Variants in RPTOR observed in about 807,000 individuals in gnomAD.
The protein encoded by RPTOR is regulatory-associated protein of mTOR.
RPTOR carries 21 observed loss-of-function variants against 169.9 expected under a neutral mutation model. The observed-to-expected ratio is 0.12, with a 90% CI of 0.09 to 0.18. The LOEUF (loss-of-function observed/expected upper bound fraction) is 0.18, where lower values mean the gene tolerates loss of function less well. RPTOR is among the 10% of genes least tolerant of loss of function. The pLI is 1.00. For synonymous variants in RPTOR, 732 were observed against 753.2 expected (o/e 0.97, Z 0.46); for missense variants, 1,133 against 1,855.9 (o/e 0.61, Z 7.16).
chr17:80,611,252 CAT>C (rs565559142), intron 1 of RPTOR, among the ~76,000 whole-genome samples: 354 of 152,182 alleles, frequency 2.3e-3, no homozygotes, highest in Admixed American at 4.5e-3. Flanking sequence ...GTAAGTAGCA[CAT>C]GTTATTATTA....
chr17:80,906,370 C>G (rs1353535272), intron 20 of RPTOR, among the ~76,000 whole-genome samples: 1 of 152,214 alleles, frequency 6.6e-6, no homozygotes, highest in Non-Finnish European at 1.5e-5. Flanking sequence ...ATCTACACGG[C>G]TATCGCAGAG....
chr17:80,626,603 T>A (rs1160813995), intron 2 of RPTOR, among the ~76,000 whole-genome samples: 1 of 151,842 alleles, frequency 6.6e-6, no homozygotes, highest in Non-Finnish European at 1.5e-5. Context: ...TGTGGTAGGG[T>A]TTTTGCTAAT....
intron 5 of RPTOR, among the ~76,000 whole-genome samples, chr17:80,740,029 C>CT (rs1182833589): frequency 6.6e-6 from 1 of 152,020 alleles, no homozygotes; most frequent in Non-Finnish European, 1.5e-5. Flanking sequence ...GGATACATTC[C>CT]TAGCAATACT....
Position 80,945,048 on chromosome 17 carries a change from C to G in RPTOR, c.3026-619C>G, listed in dbSNP as rs1324872028. Among the ~76,000 whole-genome samples, 4 of 151,282 alleles carry G rather than the reference C, an allele frequency of 2.6e-5. No homozygotes were observed. In the South Asian group the frequency reaches 8.3e-4, roughly 31 times the overall value. ...TGGGCGTATGCCCATAATCCCAACA[C>G]TTGAGGAGGCCGAGGCGGGAGGATC... On this transcript the variant is annotated intron_variant, in intron 25 of 33. Coordinates refer to ENST00000306801, the MANE Select transcript of RPTOR (RefSeq NM_020761.3).
chr17:80,960,538 T>A lies in RPTOR; in HGVS notation c.3605+333T>A, dbSNP rs1179141314. On this transcript the variant is annotated intron_variant, in intron 30 of 33. Transcript: ENST00000306801. The surrounding 1 kb of genome is among the most constrained non-coding windows in gnomAD (Gnocchi z 4.8). Reference sequence around the variant, plus strand: ...GCCGCAGCCAGGCACCTGCCACCTCTGAGCTCACCTGAACAGAATACTGCC... The same window carrying A: ...GCCGCAGCCAGGCACCTGCCACCTCAGAGCTCACCTGAACAGAATACTGCC... Among the ~76,000 whole-genome samples, 2 of 152,220 alleles carry A rather than the reference T, an allele frequency of 1.3e-5. No homozygotes were observed. The highest frequency in any genetic ancestry group is 4.8e-5 in the African/African-American group (2 of 41,456).
chr17:80,822,387 A>G, intron 8 of RPTOR, 86 bp downstream of exon 8: 1 of 1,283,806 alleles, frequency 7.8e-7, no homozygotes, highest in East Asian at 2.3e-5. Context: ...GGAGTCAGAT[A>G]GGATCCGTGA....
At chr17:80,698,403 C>A (rs1192909060) in intron 3 of RPTOR, among the ~76,000 whole-genome samples, 1 of 151,610 alleles carries the variant, frequency 6.6e-6, no homozygotes, top group African/African-American at 2.4e-5. Flanking sequence ...AAGAAAGACA[C>A]CAGCTCCTCG....
intron 1 of RPTOR, among the ~76,000 whole-genome samples, chr17:80,574,412 C>T (rs1438550821): frequency 2.0e-5 from 3 of 150,054 alleles, no homozygotes; most frequent in African/African-American, 4.9e-5. Context: ...ATGATCCACC[C>T]GCCTCAGCCT....
chr17:80,546,096 ACTT>A (rs2084270847), intron 1 of RPTOR, among the ~76,000 whole-genome samples: 2 of 152,226 alleles, frequency 1.3e-5, no homozygotes, highest in African/African-American at 4.8e-5. Flanking sequence ...TTGGCATACT[ACTT>A]AGTTCTGTAA....
chr17:80,785,884 ACT>A (rs1256147974), intron 6 of RPTOR, among the ~76,000 whole-genome samples: 1 of 151,446 alleles, frequency 6.6e-6, no homozygotes, highest in African/African-American at 2.4e-5. Context: ...AGAAGGGGGG[ACT>A]CTGCATGTTG....
intron 9 of RPTOR, 116 bp from the exon 10 acceptor site, chr17:80,837,806 C>T (rs1325039232): frequency 6.3e-6 from 6 of 946,024 alleles, no homozygotes; most frequent in South Asian, 1.4e-5. Context: ...GCTGCCGTGG[C>T]CTCCGCCCAG....
intron 6 of RPTOR, among the ~76,000 whole-genome samples, chr17:80,790,587 G>C (rs532774524): frequency 6.6e-6 from 1 of 152,038 alleles, no homozygotes; most frequent in Non-Finnish European, 1.5e-5. Flanking sequence ...TCCCCCGAAC[G>C]TGCCTGACCC....
At position 80,880,622 on chromosome 17, in the gene RPTOR, C is replaced by G. The variant is rs994502788; in HGVS notation, c.1584+133C>G. The G allele has an allele frequency of 3.8e-5, 28 of 746,454 alleles. No homozygotes were observed. The Admixed American group carries it at 4.2e-4, about 11-fold the overall frequency. 46.2% of individuals were successfully genotyped at this position (746,454 alleles called of 1,614,324 possible). ...CAAGGGTCACAGCAGGGGCCACGTCCACGGGGTCAGCAACTGCTTCACGTT... is the reference window on the plus strand; with the variant it reads ...CAAGGGTCACAGCAGGGGCCACGTCGACGGGGTCAGCAACTGCTTCACGTT... On this transcript the variant is annotated intron_variant, in intron 14 of 33. Coordinates refer to ENST00000306801, the MANE Select transcript of RPTOR (RefSeq NM_020761.3).
intron 7 of RPTOR, among the ~76,000 whole-genome samples, chr17:80,817,235 C>G (rs564628671): frequency 1.3e-5 from 2 of 152,236 alleles, no homozygotes; most frequent in African/African-American, 4.8e-5. Flanking sequence ...CAGAGCCAGT[C>G]TCTGGCCAAA....
At chr17:80,929,091 G>A (rs2068845122) in intron 24 of RPTOR, among the ~76,000 whole-genome samples, 1 of 152,182 alleles carries the variant, frequency 6.6e-6, no homozygotes, top group African/African-American at 2.4e-5. Context: ...ATTTGTAATG[G>A]GAAAAAGTTG....
At position 80,635,835 on chromosome 17, in the gene RPTOR, G is replaced by C. The variant is rs551900157; in HGVS notation, c.266-7893G>C. Among the ~76,000 whole-genome samples, 7 of 152,190 alleles carry C rather than the reference G, an allele frequency of 4.6e-5. No individual in the cohort carries two copies. The East Asian group carries it at 1.2e-3, about 25-fold the overall frequency. ...GCAGATGAGGTGGTGAAGCTTGTGG[G>C]GCAGCTTGGCCAGGAAGGTGAGGAG... On this transcript the variant is annotated intron_variant, in intron 2 of 33. Transcript: ENST00000306801.
rs544526642 is a variant in RPTOR at position 80,687,682 on chromosome 17, G to A, written c.349-20159G>A. Reference sequence around the variant, plus strand: ...GCACAGCCACGGAATGGTTGTCATCGGCTTCAGAAGGGGAATGAAAGGGGC... The same window carrying A: ...GCACAGCCACGGAATGGTTGTCATCAGCTTCAGAAGGGGAATGAAAGGGGC... On this transcript the variant is annotated intron_variant, in intron 3 of 33. Transcript: ENST00000306801. Among the ~76,000 whole-genome samples the A allele has an allele frequency of 1.1e-4, 17 of 152,312 alleles. No individual in the cohort carries two copies. The South Asian group carries it at 2.3e-3, about 20-fold the overall frequency.
At chr17:80,599,782 G>C (rs184792541) in intron 1 of RPTOR, among the ~76,000 whole-genome samples, 4 of 152,316 alleles carry the variant, frequency 2.6e-5, no homozygotes, top group Admixed American at 2.6e-4. Flanking sequence ...TTGCACGCTG[G>C]AGGAAAGGGG....
intron 2 of RPTOR, among the ~76,000 whole-genome samples, chr17:80,630,520 T>C (rs2065434096): frequency 6.6e-6 from 1 of 152,232 alleles, no homozygotes; most frequent in Non-Finnish European, 1.5e-5. Context: ...AAATTTCTTC[T>C]TTCTCAGGAA....
Sources: allele counts gnomAD v4.1 joint callset (sites outside exome capture counted in the v4.1 genomes callset), GRCh38; gene constraint gnomAD v4.1.1; non-coding constraint Gnocchi (gnomAD v3.1); transcripts MANE v1.5; gene names NCBI Gene and HGNC (gene_info 2026-07-23, HGNC 2026-07-21).